APBA1: variants seen among roughly 807,000 people sequenced by gnomAD.
APBA1 encodes amyloid beta precursor protein binding family A member 1.
Under a neutral mutation model 86.6 loss-of-function variants are expected in APBA1, and 55 were observed. The observed-to-expected ratio is 0.64, with a 90% CI of 0.51 to 0.80. APBA1 has a LOEUF of 0.80. APBA1 is among the 30% of genes least tolerant of loss of function. The probability of loss-of-function intolerance (pLI) is 0.00; values close to 1 mark genes in which losing one functional copy is unlikely to be tolerated. For synonymous variants in APBA1, 511 were observed against 493.9 expected (o/e 1.03, Z -0.46); for missense variants, 1,090 against 1,183.0 (o/e 0.92, Z 1.15).
chr9:69,542,519 C>T (rs1413343752), intron 1 of APBA1, among the ~76,000 whole-genome samples: 4 of 152,180 alleles, frequency 2.6e-5, no homozygotes, highest in Non-Finnish European at 5.9e-5. Context: ...TTTATCCATT[C>T]ACCTATCGAA....
In APBA1 at chr9:69,597,120, TTGCA is replaced by T. The variant is rs10591171; in HGVS notation, c.-70+75029_-70+75032del. Among the ~76,000 whole-genome samples, 1,204 of 152,330 alleles carry T rather than the reference TTGCA, an allele frequency of 7.9e-3. 14 individuals carry two copies. Among genetic ancestry groups the T allele is most frequent in the African/African-American group, 0.027 (1,137 of 41,570 alleles). On this transcript the variant is annotated intron_variant, in intron 1 of 12. Transcript: ENST00000265381. The stretch of plus-strand genomic sequence containing the variant: ...TAAAAGTTTTAAAAGACATTTAAAG[TTGCA>T]TGCTTTATCAACTGAGAAATCTACT...
At chr9:69,640,038 C>CA (rs2030252750) in intron 1 of APBA1, among the ~76,000 whole-genome samples, 1 of 152,032 alleles carries the variant, frequency 6.6e-6, no homozygotes, top group African/African-American at 2.4e-5. Flanking sequence ...GGATAAAGAA[C>CA]ATCCTACAGG....
intron 11 of APBA1, among the ~76,000 whole-genome samples, chr9:69,434,422 A>AC (rs569732274): frequency 8.3e-4 from 126 of 152,200 alleles, no homozygotes; most frequent in African/African-American, 3.0e-3. Context: ...TTAAAACAAA[A>AC]AAAAAAAAGT....
At chr9:69,557,873 T>C (rs528702695) in intron 1 of APBA1, among the ~76,000 whole-genome samples, 24 of 152,240 alleles carry the variant, frequency 1.6e-4, no homozygotes, top group Non-Finnish European at 3.1e-4. Context: ...AAATGATGTA[T>C]GTATGTTGTG....
At chr9:69,639,613 A>G (rs556941561) in intron 1 of APBA1, among the ~76,000 whole-genome samples, 11 of 152,344 alleles carry the variant, frequency 7.2e-5, no homozygotes, top group African/African-American at 2.2e-4. Context: ...TCACAGTACT[A>G]AAGTCAATAG....
intron 11 of APBA1, among the ~76,000 whole-genome samples, chr9:69,439,686 A>C (rs570031120): frequency 6.6e-6 from 1 of 152,168 alleles, no homozygotes; most frequent in East Asian, 1.9e-4. Flanking sequence ...CCATTCGTCT[A>C]ATTTTTTTTC....
At chr9:69,572,379 T>C (rs1301502009) in intron 1 of APBA1, among the ~76,000 whole-genome samples, 1 of 152,196 alleles carries the variant, frequency 6.6e-6, no homozygotes, top group Non-Finnish European at 1.5e-5. Context: ...CTGAGGATAA[T>C]GGCTTCCAGC....
chr9:69,623,750 G>T (rs1822873458), intron 1 of APBA1, among the ~76,000 whole-genome samples: 1 of 152,200 alleles, frequency 6.6e-6, no homozygotes. Context: ...TGGCCATGTG[G>T]ATGCACATAT....
intron 1 of APBA1, among the ~76,000 whole-genome samples, chr9:69,547,692 A>T (rs1836720028): frequency 6.6e-6 from 1 of 152,254 alleles, no homozygotes; most frequent in Non-Finnish European, 1.5e-5. Context: ...TTAATGCTAG[A>T]CATATTGGTG....
At chr9:69,588,376 G>A (rs1250519945) in intron 1 of APBA1, among the ~76,000 whole-genome samples, 1 of 151,808 alleles carries the variant, frequency 6.6e-6, no homozygotes, top group African/African-American at 2.4e-5. Context: ...AGAGATGGGA[G>A]AGAAATAGGC....
At chr9:69,660,577 G>C (rs893186835) in intron 1 of APBA1, among the ~76,000 whole-genome samples, 4 of 152,064 alleles carry the variant, frequency 2.6e-5, no homozygotes, top group South Asian at 4.2e-4. Context: ...TAACAGAGGG[G>C]GGAAATACTT....
chr9:69,445,500 G>A (rs1385289318), intron 10 of APBA1, among the ~76,000 whole-genome samples: 1 of 152,056 alleles, frequency 6.6e-6, no homozygotes, highest in South Asian at 2.1e-4. Flanking sequence ...AGAGAAGAGG[G>A]GCGAAGAGAG....
chr9:69,542,130 A>G (rs887515512), intron 1 of APBA1, among the ~76,000 whole-genome samples: 3 of 152,220 alleles, frequency 2.0e-5, no homozygotes, highest in Non-Finnish European at 4.4e-5. Flanking sequence ...TACGTTCTCA[A>G]CAAAACTGAA....
chr9:69,558,761 T>A (rs1564076972), intron 1 of APBA1, among the ~76,000 whole-genome samples: 1 of 152,122 alleles, frequency 6.6e-6, no homozygotes, highest in African/African-American at 2.4e-5. Context: ...CCCCAGTGTC[T>A]GTTGTTCCCT....
At chr9:69,553,181 G>A (rs1438209752) in intron 1 of APBA1, among the ~76,000 whole-genome samples, 1 of 152,180 alleles carries the variant, frequency 6.6e-6, no homozygotes, top group African/African-American at 2.4e-5. Context: ...GCTGGCATGA[G>A]CCACCATGCC....
chr9:69,503,628 A>G (rs1588325314), intron 2 of APBA1, among the ~76,000 whole-genome samples: 1 of 152,132 alleles, frequency 6.6e-6, no homozygotes, highest in South Asian at 2.1e-4. Context: ...TGAGGTAAAT[A>G]ATGGAATTGT....
intron 1 of APBA1, among the ~76,000 whole-genome samples, chr9:69,617,101 A>G (rs1822716081): frequency 6.6e-6 from 1 of 152,174 alleles, no homozygotes; most frequent in African/African-American, 2.4e-5. Flanking sequence ...GTCCAACCTC[A>G]GACTGGTGCC....
At chr9:69,514,558 C>T (rs1390080397) in intron 2 of APBA1, among the ~76,000 whole-genome samples, 8 of 151,822 alleles carry the variant, frequency 5.3e-5, no homozygotes, top group African/African-American at 1.9e-4. Context: ...CATTGCACTC[C>T]AGCCTGGGCA....
chr9:69,607,510 G>A (rs1822500416), intron 1 of APBA1, among the ~76,000 whole-genome samples: 1 of 152,098 alleles, frequency 6.6e-6, no homozygotes, highest in Admixed American at 6.5e-5. Context: ...ATTACTGCTA[G>A]GACTGGCAGA....
Sources: allele counts gnomAD v4.1 joint callset (sites outside exome capture counted in the v4.1 genomes callset), GRCh38; gene constraint gnomAD v4.1.1; transcripts MANE v1.5; gene names NCBI Gene and HGNC (gene_info 2026-07-23, HGNC 2026-07-21).